AKAP12: variants seen among roughly 807,000 people sequenced by gnomAD.
AKAP12 encodes A-kinase anchor protein 12.
AKAP12 carries 32 observed loss-of-function variants against 79.9 expected under a neutral mutation model. That is an observed-to-expected ratio of 0.40 (90% confidence interval 0.30 to 0.54). The LOEUF (loss-of-function observed/expected upper bound fraction) is 0.54. Ranked by LOEUF, AKAP12 falls within the 20% of genes least tolerant of loss-of-function variation. The pLI is 0.48. For missense variants in AKAP12, 2,074 were observed against 2,177.0 expected, an observed-to-expected ratio of 0.95 and a Z score of 0.94; for synonymous variants, 808 against 857.0, an observed-to-expected ratio of 0.94 and a Z score of 1.00.
intron 3 of AKAP12, among the ~76,000 whole-genome samples, chr6:151,333,823 G>C (rs1437478011): frequency 6.6e-6 from 1 of 151,994 alleles, no homozygotes; most frequent in Non-Finnish European, 1.5e-5. Context: ...CTCTTTACCT[G>C]CAGCAAGAAC....
chr6:151,319,373 G>T (rs1017478846), intron 3 of AKAP12, among the ~76,000 whole-genome samples: 2 of 151,200 alleles, frequency 1.3e-5, no homozygotes, highest in Non-Finnish European at 3.0e-5. Context: ...TAGATTCAGG[G>T]TGTGTATAGA....
At chr6:151,290,365 A>T (rs545859186) in intron 2 of AKAP12, among the ~76,000 whole-genome samples, 4 of 152,090 alleles carry the variant, frequency 2.6e-5, no homozygotes, top group Non-Finnish European at 5.9e-5. Context: ...ACTGAGACAG[A>T]CAGAATGGAG....
chr6:151,297,527 C>G (rs574949382), intron 2 of AKAP12, among the ~76,000 whole-genome samples: 1 of 147,372 alleles, frequency 6.8e-6, no homozygotes, highest in African/African-American at 2.5e-5. Flanking sequence ...GAGCCAAGAT[C>G]GTGCCACTGT....
intron 2 of AKAP12, among the ~76,000 whole-genome samples, chr6:151,271,598 A>T (rs1258236290): frequency 6.6e-6 from 1 of 152,034 alleles, no homozygotes. Flanking sequence ...CTGGGATTAC[A>T]TGTGCGAGCC....
chr6:151,297,184 A>G (rs918054974), intron 2 of AKAP12, among the ~76,000 whole-genome samples: 1 of 151,730 alleles, frequency 6.6e-6, no homozygotes, highest in Middle Eastern at 3.4e-3. Context: ...CACACCACAC[A>G]ACTCTGGGTG....
intron 2 of AKAP12, among the ~76,000 whole-genome samples, chr6:151,260,751 G>T (rs1797410461): frequency 6.7e-6 from 1 of 150,036 alleles, no homozygotes; most frequent in African/African-American, 2.4e-5. Context: ...CCAGCACTTT[G>T]GGAGGCCCCC....
intron 2 of AKAP12, among the ~76,000 whole-genome samples, chr6:151,243,182 A>G (rs947410823): frequency 7.9e-5 from 12 of 152,210 alleles, no homozygotes; most frequent in African/African-American, 2.7e-4. Context: ...ATATGGCTCA[A>G]ATGAGTCCAT....
intron 2 of AKAP12, among the ~76,000 whole-genome samples, chr6:151,278,102 G>C: frequency 6.6e-6 from 1 of 152,216 alleles, no homozygotes; most frequent in South Asian, 2.1e-4. Flanking sequence ...TAGGTAAAAA[G>C]TTTATGGATT....
At position 151,240,364 on chromosome 6, in the gene AKAP12, T is replaced by C. The variant is rs1184163641; in HGVS notation, c.-179-20T>C. 4 of 489,266 alleles carry C rather than the reference T, an allele frequency of 8.2e-6. No individual in the cohort carries two copies. The highest frequency in any genetic ancestry group is 9.0e-5 in the Admixed American group (2 of 22,286). The allele number at this position is 489,266 out of a possible 1,614,324, so 30.3% of individuals were successfully genotyped here. A position where few individuals can be genotyped will look rare whatever the true frequency, so the allele number is the denominator to read the frequency against. The stretch of plus-strand genomic sequence containing the variant: ...GGAGGCTAAGAGGTGGCCTTTTTTT[T>C]TTTTTCCTTTTCTTTTAAGGAGTTT... On this transcript the variant is annotated intron_variant, in intron 1 of 4. Coordinates refer to ENST00000402676, the MANE Select transcript of AKAP12 (RefSeq NM_005100.4).
At chr6:151,308,527 G>C (rs1777023800) in intron 3 of AKAP12, among the ~76,000 whole-genome samples, 1 of 151,970 alleles carries the variant, frequency 6.6e-6, no homozygotes, top group Non-Finnish European at 1.5e-5. Flanking sequence ...AATATACCTT[G>C]TCCTTCCCAA....
chr6:151,259,956 T>C (rs1797390836), intron 2 of AKAP12, among the ~76,000 whole-genome samples: 1 of 151,930 alleles, frequency 6.6e-6, no homozygotes, highest in Non-Finnish European at 1.5e-5. Flanking sequence ...GGACATGGGA[T>C]TGGATGAGCC....
chr6:151,353,462 T>A lies in AKAP12; in HGVS notation c.5071T>A (p.Ser1691Thr), dbSNP rs1778356144. The A allele has an allele frequency of 1.2e-6, 2 of 1,614,002 alleles. No homozygotes were observed. Among genetic ancestry groups the A allele is most frequent in the Non-Finnish European group, 1.7e-6 (2 of 1,179,994 alleles). ...HALLAERIEK[S>T]LVEPKEDEKG... Reference sequence around the variant, plus strand: ...CTTGTTAGCAGAAAGAATAGAGAAGTCACTAGTTGAACCGAAAGAAGATGA... The same window carrying A: ...CTTGTTAGCAGAAAGAATAGAGAAGACACTAGTTGAACCGAAAGAAGATGA... Residue 1691 changes from serine to threonine, a missense_variant, in exon 4 of 5, where the codon TCA (serine) becomes ACA (threonine). Transcript: ENST00000402676.
chr6:151,248,991 A>C (rs1195326818), intron 2 of AKAP12, among the ~76,000 whole-genome samples: 1 of 152,108 alleles, frequency 6.6e-6, no homozygotes, highest in Non-Finnish European at 1.5e-5. Flanking sequence ...TGTCTCAAAA[A>C]AAAAAAAGTG....
intron 2 of AKAP12, among the ~76,000 whole-genome samples, chr6:151,251,358 C>T (rs1460015944): frequency 1.3e-5 from 2 of 152,116 alleles, no homozygotes; most frequent in Non-Finnish European, 2.9e-5. Flanking sequence ...AGATAACATC[C>T]GCACAGTAAA....
chr6:151,349,649 C>A lies in AKAP12; in HGVS notation c.1258C>A (p.His420Asn). The change falls in exon 4 of 5, where the codon CAC becomes AAC. Residue 420 changes from histidine to asparagine, a missense_variant. His to Asn is a moderately conservative substitution (Grantham distance 68). This residue lies in a region of AKAP12 where 1,428 missense variants were observed against 1,451.0 expected (regional missense o/e 0.98). Coordinates refer to ENST00000402676, the MANE Select transcript of AKAP12 (RefSeq NM_005100.4). The stretch of plus-strand genomic sequence containing the variant: ...CCAAGAAGAGGTTGTGGCCGAAGTC[C>A]ACGTCAGCACCGTGGAGGAGAGAAC... ...VHQEEVVAEV[H>N]VSTVEERTEE... The A allele has an allele frequency of 6.2e-7, 1 of 1,613,650 alleles. No individual in the cohort carries two copies.
intron 2 of AKAP12, chr6:151,280,448 A>G (rs1451414455): frequency 6.6e-6 from 1 of 152,014 alleles, no homozygotes; most frequent in Non-Finnish European, 1.5e-5. Flanking sequence ...TAACCAAGGA[A>G]TGACTTAAGT....
intron 3 of AKAP12, among the ~76,000 whole-genome samples, chr6:151,343,102 G>A (rs992964859): frequency 1.3e-5 from 2 of 152,124 alleles, no homozygotes; most frequent in Non-Finnish European, 2.9e-5. Flanking sequence ...GCTGGTTCAC[G>A]AACCTTTATC....
intron 2 of AKAP12, among the ~76,000 whole-genome samples, chr6:151,291,818 G>A (rs1343153158): frequency 6.6e-6 from 1 of 152,142 alleles, no homozygotes; most frequent in Non-Finnish European, 1.5e-5. Context: ...TCACATATAA[G>A]GAGGCATTTC....
At chr6:151,346,978 A>G (rs1778117526) in intron 3 of AKAP12, among the ~76,000 whole-genome samples, 1 of 152,012 alleles carries the variant, frequency 6.6e-6, no homozygotes, top group African/African-American at 2.4e-5. Flanking sequence ...TTTTTATTCA[A>G]TGTGTTGTAA....
Sources: gnomAD v4.1 joint callset for allele counts (sites outside exome capture counted in the v4.1 genomes callset) on GRCh38, gnomAD v4.1.1 for gene constraint, gnomAD v4.1.1 regional missense constraint, MANE v1.5 for transcripts, NCBI Gene and HGNC (gene_info 2026-07-23, HGNC 2026-07-21) for gene names.